The following PSMA5 variants were observed in gnomAD, a reference collection of about 807,000 sequenced individuals.
PSMA5 encodes proteasome 20S subunit alpha 5.
A neutral mutation model predicts 34.5 loss-of-function variants in PSMA5; 3 were observed. That is an observed-to-expected ratio of 0.09 (90% CI 0.04 to 0.22). PSMA5 has a LOEUF of 0.22. Ranked by LOEUF, PSMA5 falls within the 10% of genes least tolerant of loss-of-function variation. PSMA5 has a pLI of 1.00. For synonymous variants in PSMA5, 88 were observed against 95.8 expected, an observed-to-expected ratio of 0.92 and a Z score of 0.47; for missense variants, 120 against 286.1, an observed-to-expected ratio of 0.42 and a Z score of 4.19.
At chr1:109,411,820 C>A (rs991329191) in intron 6 of PSMA5, 57 bp downstream of exon 6, 85 of 1,519,886 alleles carry the variant, frequency 5.6e-5, no homozygotes, top group Admixed American at 3.4e-4. Flanking sequence ...AGTCTCCACC[C>A]CAAATTAAAA....
Position 109,410,031 on chromosome 1 carries a change from C to A in PSMA5, c.562-17G>T. On this transcript the variant is annotated splice_polypyrimidine_tract_variant and intron_variant, in intron 7 of 8. Transcript: ENST00000271308. ...AGTCATAGACTTGAAACAAAGAAGG[C>A]AAGAAGATGCCTATTAATTATGCAC... 6.7e-7 allele frequency: 1 copy of A among 1,482,506 alleles called. No individual in the cohort carries two copies. The highest frequency in any genetic ancestry group is 9.4e-7 in the Non-Finnish European group (1 of 1,069,066). The allele number at this position is 1,482,506 out of a possible 1,614,324, so 91.8% of individuals were successfully genotyped here.
At chr1:109,411,781 C>G in intron 6 of PSMA5, 96 bp downstream of exon 6, 1 of 1,250,986 alleles carries the variant, frequency 8.0e-7, no homozygotes, top group Non-Finnish European at 1.2e-6. Context: ...TGTGCTAATA[C>G]CTGGCTAACA....
At chr1:109,420,224 T>A (rs1654386029) in intron 2 of PSMA5, among the ~76,000 whole-genome samples, 2 of 152,160 alleles carry the variant, frequency 1.3e-5, no homozygotes, top group South Asian at 4.1e-4. Flanking sequence ...TGACTAATGA[T>A]CTTACAAAAT....
In PSMA5 at chr1:109,412,971, A is replaced by G. The variant is rs1356173309; in HGVS notation, c.291+97T>C. 2.9e-6 allele frequency: 3 copies of G among 1,039,530 alleles called. No homozygotes were observed. The Admixed American group carries it at 5.7e-5, about 20-fold the overall frequency. The allele number at this position is 1,039,530 out of a possible 1,614,324, so 64.4% of individuals were successfully genotyped here. On this transcript the variant is annotated intron_variant, in intron 4 of 8. Transcript: ENST00000271308. Reference sequence around the variant, plus strand: ...ATTACTCCCAAGAGCCACATCTAATATTGACACAGGTACCTGCAGTATAGC... The same window carrying G: ...ATTACTCCCAAGAGCCACATCTAATGTTGACACAGGTACCTGCAGTATAGC...
At chr1:109,419,959 C>G (rs1043027155) in intron 2 of PSMA5, among the ~76,000 whole-genome samples, 2 of 124,852 alleles carry the variant, frequency 1.6e-5, no homozygotes, top group Non-Finnish European at 3.3e-5. Context: ...GGTGACAGAG[C>G]AAGACTCTGT....
At chr1:109,422,521 C>T (rs72983055) in intron 1 of PSMA5, among the ~76,000 whole-genome samples, 2,865 of 146,144 alleles carry the variant, frequency 0.02, 102 homozygotes, top group African/African-American at 0.071. Context: ...CTCGCTCTGT[C>T]GCTCAGGCGG....
chr1:109,412,905 C>T (rs1457175424), intron 4 of PSMA5, 163 bp downstream of exon 4: 1 of 600,438 alleles, frequency 1.7e-6, no homozygotes, highest in Non-Finnish European at 2.9e-6. Flanking sequence ...GACAGCTAAA[C>T]TCCAAGCCCC....
chr1:109,419,517 A>G (rs1654350139), intron 2 of PSMA5, among the ~76,000 whole-genome samples: 1 of 151,936 alleles, frequency 6.6e-6, no homozygotes, highest in South Asian at 2.1e-4. Flanking sequence ...AAAATACAAA[A>G]ACTTAGGCCA....
chr1:109,421,798 T>A (rs1258635676), intron 2 of PSMA5, 62 bp downstream of exon 2: 4 of 1,330,470 alleles, frequency 3.0e-6, no homozygotes, highest in Non-Finnish European at 3.1e-6. Context: ...ACTCCAAGTG[T>A]TCTGCCAGCA....
intron 3 of PSMA5, chr1:109,415,008 AT>A: frequency 2.3e-6 from 1 of 433,746 alleles, no homozygotes; most frequent in Non-Finnish European, 4.1e-6. Flanking sequence ...CAACCATCAC[AT>A]TTACCAAGTC....
intron 8 of PSMA5, among the ~76,000 whole-genome samples, chr1:109,403,050 C>A (rs1005246795): frequency 6.6e-6 from 1 of 152,164 alleles, no homozygotes; most frequent in Non-Finnish European, 1.5e-5. Flanking sequence ...ATTTCATTAA[C>A]ACTGGCATAG....
chr1:109,405,939 G>C (rs1653739764), intron 8 of PSMA5, among the ~76,000 whole-genome samples: 1 of 152,198 alleles, frequency 6.6e-6, no homozygotes, highest in Non-Finnish European at 1.5e-5. Flanking sequence ...AAGGGACATG[G>C]ATTTGGGAGT....
chr1:109,408,628 G>A (rs1321123428), intron 8 of PSMA5, among the ~76,000 whole-genome samples: 2 of 151,692 alleles, frequency 1.3e-5, no homozygotes, highest in Non-Finnish European at 2.9e-5. Context: ...TCCTTCATGT[G>A]TACCATGCCT....
At chr1:109,407,034 G>A (rs1653791613) in intron 8 of PSMA5, among the ~76,000 whole-genome samples, 1 of 152,204 alleles carries the variant, frequency 6.6e-6, no homozygotes, top group Non-Finnish European at 1.5e-5. Context: ...CCAGGCTGGA[G>A]TGCAGTGGCG....
intron 2 of PSMA5, among the ~76,000 whole-genome samples, chr1:109,417,181 G>A (rs952362053): frequency 9.9e-5 from 15 of 152,136 alleles, no homozygotes; most frequent in African/African-American, 3.6e-4. Flanking sequence ...TTAGTTCCAC[G>A]CCTTCCTTAA....
rs1307189435 is a variant in PSMA5, at chr1:109,412,384, T to G, written c.292-200A>C. ...CTGGAAATAAACATATCACAAGGAC[T>G]CTACGCAACGACGGACAAGAGAATT... is the stretch of plus-strand genomic sequence containing the variant. On this transcript the variant is annotated intron_variant, in intron 4 of 8. Coordinates refer to ENST00000271308, the MANE Select transcript of PSMA5 (RefSeq NM_002790.4). 5.6e-6 allele frequency: 3 copies of G among 533,522 alleles called. No individual in the cohort carries two copies. The East Asian group carries it at 8.9e-5, about 16-fold the overall frequency. The allele number at this position is 533,522 out of a possible 1,614,324, so 33.0% of individuals were successfully genotyped here. A position where few individuals can be genotyped will look rare whatever the true frequency, so the allele number is the denominator to read the frequency against.
rs142172243 is a variant in PSMA5, at chr1:109,411,790, C to T, written c.458+87G>A. 3 of 1,326,598 alleles carry T rather than the reference C, an allele frequency of 2.3e-6. No individual in the cohort carries two copies. The East Asian group carries it at 6.9e-5, about 31-fold the overall frequency. 82.2% of individuals were successfully genotyped at this position (1,326,598 alleles called of 1,614,324 possible). A position where few individuals can be genotyped will look rare whatever the true frequency, so the allele number is the denominator to read the frequency against. On this transcript the variant is annotated intron_variant, in intron 6 of 8. Transcript: ENST00000271308. ...CAGGTGTGTGCTAATACCTGGCTAACAGTCTACAATAATCTTCTCAGTCTC... is the reference window on the plus strand; with the variant it reads ...CAGGTGTGTGCTAATACCTGGCTAATAGTCTACAATAATCTTCTCAGTCTC...
At chr1:109,406,144 A>C (rs1287250728) in intron 8 of PSMA5, among the ~76,000 whole-genome samples, 1 of 152,230 alleles carries the variant, frequency 6.6e-6, no homozygotes, top group Non-Finnish European at 1.5e-5. Flanking sequence ...TCCTTCAAAA[A>C]AGTCAAATGA....
At chr1:109,419,013 C>G (rs1467865080) in intron 2 of PSMA5, among the ~76,000 whole-genome samples, 1 of 151,988 alleles carries the variant, frequency 6.6e-6, no homozygotes, top group African/African-American at 2.4e-5. Flanking sequence ...AATTAGCCAG[C>G]GTGGTGGCGC....
Sources: gnomAD v4.1 joint callset for allele counts (sites outside exome capture counted in the v4.1 genomes callset) on GRCh38, gnomAD v4.1.1 for gene constraint, MANE v1.5 for transcripts, NCBI Gene and HGNC (gene_info 2026-07-23, HGNC 2026-07-21) for gene names.